The following FBXW7 variants were observed in gnomAD, a reference collection of about 807,000 sequenced individuals.
The protein encoded by FBXW7 is F-box and WD repeat domain containing 7.
A neutral mutation model predicts 86.3 loss-of-function variants in FBXW7; 11 were observed. The ratio of observed to expected loss-of-function variants is 0.13; its 90% CI spans 0.08 to 0.21. The LOEUF (loss-of-function observed/expected upper bound fraction) is 0.21. Among genes scored for constraint, FBXW7 ranks in the 10% least tolerant of loss-of-function variants. The pLI, the probability that FBXW7 is intolerant of heterozygous loss-of-function variation, is 1.00. For synonymous variants in FBXW7, 313 were observed against 297.9 expected, an observed-to-expected ratio of 1.05 and a Z score of -0.52; for missense variants, 488 against 847.4, an observed-to-expected ratio of 0.58 and a Z score of 5.27.
intron 2 of FBXW7, among the ~76,000 whole-genome samples, chr4:152,461,234 C>T (rs549421529): frequency 5.3e-5 from 8 of 152,176 alleles, no homozygotes; most frequent in African/African-American, 1.4e-4. Flanking sequence ...GCCTGGGCGA[C>T]GGAGCAAGAC....
chr4:152,449,979 A>G (rs1741763680), intron 2 of FBXW7, among the ~76,000 whole-genome samples: 1 of 152,226 alleles, frequency 6.6e-6, no homozygotes, highest in Non-Finnish European at 1.5e-5. Context: ...ACTAAATAAT[A>G]AACACCTTGA....
chr4:152,415,751 A>T (rs190688449), intron 2 of FBXW7, among the ~76,000 whole-genome samples: 1 of 152,066 alleles, frequency 6.6e-6, no homozygotes, highest in African/African-American at 2.4e-5. Flanking sequence ...CTACTCTCTC[A>T]CTTTGTTCCA....
chr4:152,350,925 T>G (rs1305119993), intron 4 of FBXW7, among the ~76,000 whole-genome samples: 1 of 152,034 alleles, frequency 6.6e-6, no homozygotes, highest in Non-Finnish European at 1.5e-5. Context: ...ATACTATAAA[T>G]ATATTCAGAA....
intron 2 of FBXW7, among the ~76,000 whole-genome samples, chr4:152,443,927 A>T (rs1741133144): frequency 6.6e-6 from 1 of 152,212 alleles, no homozygotes; most frequent in Non-Finnish European, 1.5e-5. Context: ...AAGACATGTA[A>T]AGATGAAATA....
At chr4:152,447,965 AT>A (rs1448798536) in intron 2 of FBXW7, among the ~76,000 whole-genome samples, 1 of 152,250 alleles carries the variant, frequency 6.6e-6, no homozygotes. Context: ...AGCTAGGAAT[AT>A]GGAGCAGAAA....
chr4:152,480,346 T>G (rs1304666208), intron 2 of FBXW7, among the ~76,000 whole-genome samples: 1 of 151,962 alleles, frequency 6.6e-6, no homozygotes, highest in Non-Finnish European at 1.5e-5. Context: ...AACTGATAAA[T>G]GTTGCATGTG....
intron 2 of FBXW7, among the ~76,000 whole-genome samples, chr4:152,446,557 A>G (rs1487576092): frequency 6.6e-6 from 1 of 152,230 alleles, no homozygotes; most frequent in African/African-American, 2.4e-5. Flanking sequence ...GATTAATGGC[A>G]GAGCCAAATT....
At chr4:152,426,866 A>G (rs1193764833) in intron 2 of FBXW7, among the ~76,000 whole-genome samples, 1 of 152,214 alleles carries the variant, frequency 6.6e-6, no homozygotes, top group East Asian at 1.9e-4. Flanking sequence ...GAGACGAAGG[A>G]AAGAGAAGGG....
chr4:152,483,396 A>AG (rs1745061725), intron 2 of FBXW7, among the ~76,000 whole-genome samples: 1 of 150,962 alleles, frequency 6.6e-6, no homozygotes, highest in East Asian at 2.0e-4. Flanking sequence ...GGCTCTTTAT[A>AG]GGGAAAAAAA....
intron 2 of FBXW7, among the ~76,000 whole-genome samples, chr4:152,420,782 A>G (rs547750321): frequency 1.3e-5 from 2 of 152,142 alleles, no homozygotes; most frequent in Non-Finnish European, 1.5e-5. Context: ...CATATCTAGC[A>G]AACTGTGCTG....
chr4:152,486,257 G>A (rs977190486), intron 2 of FBXW7, among the ~76,000 whole-genome samples: 5 of 152,096 alleles, frequency 3.3e-5, no homozygotes, highest in Admixed American at 6.6e-5. Flanking sequence ...ACGGCTGTAG[G>A]CTTTGTAAAT....
chr4:152,420,972 T>C (rs1738891788), intron 2 of FBXW7, among the ~76,000 whole-genome samples: 2 of 152,126 alleles, frequency 1.3e-5, no homozygotes, highest in South Asian at 2.1e-4. Context: ...GGTACTGACT[T>C]CCCCTATCCA....
intron 4 of FBXW7, among the ~76,000 whole-genome samples, chr4:152,376,932 C>T (rs897234468): frequency 6.7e-6 from 1 of 150,078 alleles, no homozygotes; most frequent in Admixed American, 6.6e-5. Context: ...AACTCTATAA[C>T]TAAAAAGGAA....
intron 11 of FBXW7, among the ~76,000 whole-genome samples, chr4:152,327,807 G>A (rs1729181945): frequency 6.6e-6 from 1 of 151,988 alleles, no homozygotes; most frequent in Admixed American, 6.6e-5. Context: ...TAGGGTGGGT[G>A]TAAGGTGGGT....
chr4:152,492,573 G>A (rs1017250466), intron 2 of FBXW7, among the ~76,000 whole-genome samples: 2 of 152,048 alleles, frequency 1.3e-5, no homozygotes, highest in African/African-American at 4.8e-5. Flanking sequence ...CTTCTAGTTG[G>A]TTTTAGTGAT....
chr4:152,490,325 T>G lies in FBXW7; in HGVS notation c.-120+44616A>C, dbSNP rs553113468. Among the ~76,000 whole-genome samples, 3 of 152,210 alleles carry G rather than the reference T, an allele frequency of 2.0e-5. 1 individual carries two copies. The South Asian group carries it at 6.2e-4, about 32-fold the overall frequency. Reference sequence around the variant, plus strand: ...ATTTAAAAATGGTTGAAATGTAAATTTTATACTATGTATATTTTGCCACCA... The same window carrying G: ...ATTTAAAAATGGTTGAAATGTAAATGTTATACTATGTATATTTTGCCACCA... On this transcript the variant is annotated intron_variant, in intron 2 of 13. Coordinates refer to ENST00000281708, the MANE Select transcript of FBXW7 (RefSeq NM_001349798.2).
intron 6 of FBXW7, among the ~76,000 whole-genome samples, chr4:152,340,575 CAAAAAAAAAA>C (rs556530800): frequency 3.8e-4 from 12 of 31,914 alleles, no homozygotes; most frequent in East Asian, 8.9e-4. Flanking sequence ...AACTCCATCT[CAAAAAAAAAA>C]AAAAAAAAAA....
chr4:152,392,184 G>A (rs927036395), intron 4 of FBXW7, among the ~76,000 whole-genome samples: 22 of 152,088 alleles, frequency 1.4e-4, no homozygotes, highest in African/African-American at 5.3e-4. Context: ...CTTGCAAGGT[G>A]ACTCTGAGAC....
At chr4:152,417,985 A>G (rs1268012393) in intron 2 of FBXW7, among the ~76,000 whole-genome samples, 2 of 152,180 alleles carry the variant, frequency 1.3e-5, no homozygotes, top group African/African-American at 4.8e-5. Context: ...CAGAAGACCC[A>G]AACTAACACA....
Sources: allele counts gnomAD v4.1 joint callset (sites outside exome capture counted in the v4.1 genomes callset), GRCh38; gene constraint gnomAD v4.1.1; transcripts MANE v1.5; gene names NCBI Gene and HGNC (gene_info 2026-07-23, HGNC 2026-07-21).